Variants in USP39 observed in about 807,000 individuals in gnomAD.
USP39 encodes the protein ubiquitin carboxyl-terminal hydrolase 39.
In USP39, 38 loss-of-function variants were observed where a neutral mutation model predicts 66.4. The ratio of observed to expected loss-of-function variants is 0.57; its 90% CI spans 0.44 to 0.75. USP39 has a LOEUF of 0.75. Among genes scored for constraint, USP39 ranks in the 30% least tolerant of loss-of-function variants. USP39 has a pLI of 0.00. For missense variants in USP39, 608 were observed against 714.4 expected, an observed-to-expected ratio of 0.85 and a Z score of 1.70; for synonymous variants, 303 against 274.6, an observed-to-expected ratio of 1.10 and a Z score of -1.02.
At chr2:85,604,740 C>T (rs1468730463) in intron 1 of USP39, among the ~76,000 whole-genome samples, 1 of 152,238 alleles carries the variant, frequency 6.6e-6, no homozygotes, top group Non-Finnish European at 1.5e-5. Context: ...GCGTAGGCAC[C>T]TTATCTGCCC....
chr2:85,621,493 T>C lies in USP39; in HGVS notation c.347T>C (p.Leu116Pro). 1 of 1,614,128 alleles carries C rather than the reference T, an allele frequency of 6.2e-7. No homozygotes were observed. The highest frequency in any genetic ancestry group is 8.5e-7 in the Non-Finnish European group (1 of 1,179,974). ...CTGTTTTGTTTCCTTAGGAGTGTGCTGGACTTTGACTTTGAGAAACTGTGT... is the reference window on the plus strand; with the variant it reads ...CTGTTTTGTTTCCTTAGGAGTGTGCCGGACTTTGACTTTGAGAAACTGTGT... ...PYLDTINRSV[L>P]DFDFEKLCSI... The change falls in exon 3 of 13, where the codon CTG becomes CCG. Residue 116 changes from leucine to proline, a missense_variant. Around this residue, in one of 6 missense-constraint regions of USP39, gnomAD observed 115 missense variants for 198.6 expected, o/e 0.58. Transcript: ENST00000323701.
chr2:85,631,021 A>AT (rs370778841), intron 6 of USP39, 75 bp downstream of exon 6: 23,707 of 1,165,836 alleles, frequency 0.02, 1 homozygote, highest in Non-Finnish European at 0.022. Context: ...TTGGCAGTGA[A>AT]TTTTTTTTTT....
At chr2:85,635,907 AAG>A (rs1224244954) in intron 6 of USP39, 144 bp from the exon 7 acceptor site, 24 of 731,310 alleles carry the variant, frequency 3.3e-5, no homozygotes, top group Non-Finnish European at 5.6e-5. Flanking sequence ...ATTTAATGAT[AAG>A]ATAGAGGAGG....
chr2:85,645,135 C>T (rs543844888), intron 11 of USP39, 52 bp downstream of exon 11: 3 of 1,610,614 alleles, frequency 1.9e-6, no homozygotes, highest in East Asian at 4.5e-5. Flanking sequence ...ACAGGTGTTT[C>T]TTTGGCATCT....
chr2:85,606,490 T>G (rs1195974603), intron 1 of USP39, among the ~76,000 whole-genome samples: 1 of 152,232 alleles, frequency 6.6e-6, no homozygotes, highest in Non-Finnish European at 1.5e-5. Flanking sequence ...AGGGCCATCC[T>G]TGGGCAGGCA....
At chr2:85,620,924 A>G (rs1285193265) in intron 2 of USP39, among the ~76,000 whole-genome samples, 1 of 152,006 alleles carries the variant, frequency 6.6e-6, no homozygotes, top group African/African-American at 2.4e-5. Context: ...AGGTCTGTTT[A>G]TAGGTATTCT....
chr2:85,611,507 G>A, upstream of USP39: 1 of 1,550,946 alleles, frequency 6.4e-7, no homozygotes, highest in South Asian at 1.2e-5. Context: ...TTCTTGGTGA[G>A]AATCATTCAG....
chr2:85,646,748 T>C (rs1160500716), intron 11 of USP39, among the ~76,000 whole-genome samples: 2 of 152,182 alleles, frequency 1.3e-5, no homozygotes, highest in Non-Finnish European at 2.9e-5. Context: ...TCTAGAAACA[T>C]TTTTTCCTTG....
upstream of USP39, chr2:85,616,066 G>C: frequency 1.5e-6 from 2 of 1,294,842 alleles, no homozygotes; most frequent in Non-Finnish European, 2.0e-6. Flanking sequence ...ATTTTCTGCA[G>C]CGTGATTTGT....
intron 6 of USP39, among the ~76,000 whole-genome samples, chr2:85,635,567 A>C (rs932102508): frequency 6.6e-6 from 1 of 152,062 alleles, no homozygotes; most frequent in African/African-American, 2.4e-5. Context: ...CTCAAAAAAA[A>C]AAGTAGCCAC....
At chr2:85,614,582 A>C (rs1573384681), upstream of USP39, among the ~76,000 whole-genome samples, 1 of 152,344 alleles carries the variant, frequency 6.6e-6, no homozygotes, top group East Asian at 1.9e-4. Context: ...TCCTGAAAGT[A>C]AAAGGAGGAA....
upstream of USP39, chr2:85,607,773 G>C (rs1673270612): frequency 6.6e-6 from 1 of 152,218 alleles, no homozygotes; most frequent in African/African-American, 2.4e-5. Flanking sequence ...AGGTTAGGCT[G>C]ATATGCTGGA....
At chr2:85,641,907 TAAA>T (rs759697072) in intron 10 of USP39, among the ~76,000 whole-genome samples, 41 of 91,312 alleles carry the variant, frequency 4.5e-4, no homozygotes, top group Non-Finnish European at 6.8e-4. Flanking sequence ...GTGACTGTGC[TAAA>T]AAAAAAAAAA....
chr2:85,640,213 T>C (rs941569609), intron 9 of USP39, among the ~76,000 whole-genome samples: 2 of 152,094 alleles, frequency 1.3e-5, no homozygotes, highest in African/African-American at 4.8e-5. Flanking sequence ...GTTTTCAGCT[T>C]TCTGCCTGCC....
chr2:85,607,984 A>C (rs1335963965), upstream of USP39: 1 of 152,270 alleles, frequency 6.6e-6, no homozygotes, highest in Non-Finnish European at 1.5e-5. Context: ...GCGTGCTGTC[A>C]ATCAGGCAAT....
chr2:85,637,507 G>A lies in USP39; in HGVS notation c.1095+71G>A, dbSNP rs1558868436. On this transcript the variant is annotated intron_variant, in intron 8 of 12. Transcript: ENST00000323701. ...GGGGACGTAGGGGAGATGAAGAGATGCTCAGAGAACTGACAAGCCTGCTTG... is the reference window on the plus strand; with the variant it reads ...GGGGACGTAGGGGAGATGAAGAGATACTCAGAGAACTGACAAGCCTGCTTG... The A allele has an allele frequency of 2.0e-6, 3 of 1,532,558 alleles. No homozygotes were observed. In the East Asian group the frequency reaches 6.8e-5, roughly 35 times the overall value. The allele number at this position is 1,532,558 out of a possible 1,614,324, so 94.9% of individuals were successfully genotyped here.
chr2:85,610,755 TC>T (rs1334899189), upstream of USP39: 3 of 137,344 alleles, frequency 2.2e-5, no homozygotes, highest in African/African-American at 9.7e-5. Flanking sequence ...CCCTTCTCTC[TC>T]TCTCTTTTTT....
At chr2:85,609,130 G>A, upstream of USP39, 2 of 1,588,158 alleles carry the variant, frequency 1.3e-6, no homozygotes, top group Non-Finnish European at 1.7e-6. Context: ...GACCTGCCCT[G>A]TCCCTAAACA....
rs777007657 is a variant in USP39 at position 85,641,133 on chromosome 2, G to A, written c.1427+15G>A. ...TTCCCTATTACGTAAGTAACATCCT[G>A]CCTCACTTCTCTCACGGGGAGTGAA... On this transcript the variant is annotated intron_variant, in intron 10 of 12. Transcript: ENST00000323701. 1 of 1,610,822 alleles carries A rather than the reference G, an allele frequency of 6.2e-7. No individual in the cohort carries two copies. Among genetic ancestry groups the A allele is most frequent in the Non-Finnish European group, 8.5e-7 (1 of 1,179,106 alleles).
Sources: allele counts gnomAD v4.1 joint callset (sites outside exome capture counted in the v4.1 genomes callset), GRCh38; gene constraint gnomAD v4.1.1; regional missense constraint gnomAD v4.1.1; transcripts MANE v1.5; gene names NCBI Gene and HGNC (gene_info 2026-07-23, HGNC 2026-07-21).